Variants in PTHLH observed in about 807,000 individuals in gnomAD.
The protein encoded by PTHLH is parathyroid hormone like hormone.
A neutral mutation model predicts 18.6 loss-of-function variants in PTHLH; 5 were observed. The ratio of observed to expected loss-of-function variants is 0.27; its 90% CI spans 0.14 to 0.56. The LOEUF is 0.56. Among genes scored for constraint, PTHLH ranks in the 20% least tolerant of loss-of-function variants. The probability of loss-of-function intolerance (pLI) is 0.92; values close to 1 mark genes in which losing one functional copy is unlikely to be tolerated. For missense variants in PTHLH, 207 were observed against 223.9 expected (o/e 0.92, Z 0.48); for synonymous variants, 90 against 94.0 (o/e 0.96, Z 0.25).
Position 27,970,835 on chromosome 12 carries a change from G to C in PTHLH, c.-265-568C>G, listed in dbSNP as rs773724963. ...GAGCCCGAAGCTCGCCTGGCAGCTC[G>C]GGGCGATGCATGAGAACCTTCCTCC... On this transcript the variant is annotated intron_variant, in intron 2 of 5. Transcript: ENST00000545234. Among the ~76,000 whole-genome samples the C allele has an allele frequency of 2.5e-4, 38 of 152,320 alleles. No homozygotes were observed. In the East Asian group the frequency reaches 3.9e-3, roughly 16 times the overall value.
intron 2 of PTHLH, 154 bp from the exon 3 acceptor site, chr12:27,970,421 G>A (rs1315800981): frequency 2.0e-5 from 3 of 149,368 alleles, no homozygotes; most frequent in Non-Finnish European, 4.5e-5. Context: ...GCGAGTGGAG[G>A]GGAGCCCCGA....
chr12:27,964,420 T>C (rs2062793735), intron 4 of PTHLH, among the ~76,000 whole-genome samples: 1 of 151,998 alleles, frequency 6.6e-6, no homozygotes, highest in African/African-American at 2.4e-5. Context: ...GACTGAACTT[T>C]AACATTTTAG....
intron 5 of PTHLH, chr12:27,961,945 G>A (rs2062765234): frequency 1.4e-6 from 1 of 724,532 alleles, no homozygotes; most frequent in South Asian, 1.5e-5. Context: ...TGCATATGAT[G>A]TGTTCTTCTG....
intron 2 of PTHLH, among the ~76,000 whole-genome samples, chr12:27,970,802 A>T (rs2062865594): frequency 6.6e-6 from 1 of 152,104 alleles, no homozygotes; most frequent in Non-Finnish European, 1.5e-5. Context: ...TTGGCCTGTG[A>T]ATTTAAGGAG....
intron 5 of PTHLH, chr12:27,961,938 A>G (rs1265098232): frequency 1.4e-6 from 1 of 729,414 alleles, no homozygotes; most frequent in South Asian, 1.5e-5. Context: ...CATTAGTTGC[A>G]TATGATGTGT....
intron 5 of PTHLH, 69 bp from the exon 6 acceptor site, chr12:27,958,637 A>G: frequency 7.1e-7 from 1 of 1,416,320 alleles, no homozygotes; most frequent in Non-Finnish European, 9.7e-7. Context: ...AAAACATAAA[A>G]TATAAAGGAT....
intron 4 of PTHLH, among the ~76,000 whole-genome samples, chr12:27,967,399 A>G (rs1033475238): frequency 2.6e-5 from 4 of 152,222 alleles, no homozygotes; most frequent in East Asian, 1.9e-4. Flanking sequence ...AAAAAAATCT[A>G]TACTTCTAAA....
intron 4 of PTHLH, among the ~76,000 whole-genome samples, chr12:27,963,977 T>A (rs961337070): frequency 6.6e-6 from 1 of 152,114 alleles, no homozygotes; most frequent in Non-Finnish European, 1.5e-5. Flanking sequence ...ATGGTCCCAG[T>A]TCTACCACTC....
rs1489654281 is a variant in PTHLH at position 27,958,609 on chromosome 12, T to C, written c.525-41A>G. ...AGAGAAAGAAAAGGAGAAAACAGGT[T>C]AGTTTTCTTTACAAATGAAAACATA... On this transcript the variant is annotated intron_variant, in intron 5 of 5. Coordinates refer to ENST00000545234, the MANE Select transcript of PTHLH (RefSeq NM_198965.2). 7.8e-6 allele frequency: 12 copies of C among 1,534,940 alleles called. No individual in the cohort carries two copies. The African/African-American group carries it at 1.5e-4, about 19-fold the overall frequency.
chr12:27,969,295 G>T, intron 4 of PTHLH, 99 bp downstream of exon 4: 1 of 1,198,100 alleles, frequency 8.3e-7, no homozygotes, highest in Non-Finnish European at 1.2e-6. Context: ...CGGGCAAGGA[G>T]CATCGGTGAC....
In PTHLH at chr12:27,958,306, A is replaced by C; in HGVS notation, c.*253T>G. ...AAAATATAGAAATTCAGCAGCACCA[A>C]GATACATTTACAAAATAAATACATC... is the stretch of plus-strand genomic sequence containing the variant. On this transcript the variant is annotated 3_prime_UTR_variant, in exon 6 of 6. Transcript: ENST00000545234. 1 of 343,490 alleles carries C rather than the reference A, an allele frequency of 2.9e-6. No individual in the cohort carries two copies. The highest frequency in any genetic ancestry group is 1.3e-4 in the South Asian group (1 of 7,996). 21.3% of individuals were successfully genotyped at this position (343,490 alleles called of 1,614,324 possible). A position where few individuals can be genotyped will look rare whatever the true frequency, so the allele number is the denominator to read the frequency against.
intron 5 of PTHLH, chr12:27,961,964 CTT>C (rs377014358): frequency 2.8e-4 from 151 of 543,464 alleles, no homozygotes; most frequent in Admixed American, 8.5e-4. Flanking sequence ...TGTTGTTTTC[CTT>C]TTTTTTTTTC....
Position 27,969,495 on chromosome 12 carries a change from C to A in PTHLH, c.-1G>T. On this transcript the variant is annotated 5_prime_UTR_variant, in exon 4 of 6. Transcript: ENST00000545234. ...ACTGCTGAACCAGTCTCCGCTGCAT[C>A]GTCTCCGCTCGCGCTCGGGACCTGC... 1 of 1,570,432 alleles carries A rather than the reference C, an allele frequency of 6.4e-7. No individual in the cohort carries two copies. Among genetic ancestry groups the A allele is most frequent in the Non-Finnish European group, 8.6e-7 (1 of 1,159,882 alleles).
At chr12:27,969,541 G>A (rs2062849567) in intron 3 of PTHLH, 25 bp from the exon 4 acceptor site, 24 of 1,525,468 alleles carry the variant, frequency 1.6e-5, no homozygotes, top group Non-Finnish European at 2.1e-5. Context: ...AATGGGACCC[G>A]AGTGTCAGTC....
Position 27,960,991 on chromosome 12 carries a change from G to A in PTHLH, c.524+2357C>T, listed in dbSNP as rs116982836. ...CCCTGAACCTCTGTTGGATTGTGTTGGGAGAGTGCCAACATTTGGCTGCCA... is the reference window on the plus strand; with the variant it reads ...CCCTGAACCTCTGTTGGATTGTGTTAGGAGAGTGCCAACATTTGGCTGCCA... On this transcript the variant is annotated intron_variant, in intron 5 of 5. Coordinates refer to ENST00000545234, the MANE Select transcript of PTHLH (RefSeq NM_198965.2). Among the ~76,000 whole-genome samples, 758 of 151,896 alleles carry A rather than the reference G, an allele frequency of 5.0e-3. 3 individuals are homozygous for A. Among genetic ancestry groups the A allele is most frequent in the Middle Eastern group, 0.01 (3 of 294 alleles).
chr12:27,966,418 TA>T (rs2062814194), intron 4 of PTHLH, among the ~76,000 whole-genome samples: 1 of 152,210 alleles, frequency 6.6e-6, no homozygotes, highest in Non-Finnish European at 1.5e-5. Context: ...CTTCTGCAAT[TA>T]AAGTATTGTG....
At position 27,958,642 on chromosome 12, in the gene PTHLH, A is replaced by G. The variant is rs988471032; in HGVS notation, c.525-74T>C. 5.0e-6 allele frequency: 7 copies of G among 1,410,842 alleles called. No homozygotes were observed. The Admixed American group carries it at 8.5e-5, about 17-fold the overall frequency. 87.4% of individuals were successfully genotyped at this position (1,410,842 alleles called of 1,614,324 possible). A position where few individuals can be genotyped will look rare whatever the true frequency, so the allele number is the denominator to read the frequency against. ...TTTACAAATGAAAACATAAAATATA[A>G]AGGATATAAGCTAAGGAATGCAAAA... On this transcript the variant is annotated intron_variant, in intron 5 of 5. Transcript: ENST00000545234.
At chr12:27,966,947 G>A (rs369197899) in intron 4 of PTHLH, among the ~76,000 whole-genome samples, 4 of 152,194 alleles carry the variant, frequency 2.6e-5, no homozygotes, top group Admixed American at 6.5e-5. Flanking sequence ...TTCTAAGGAC[G>A]GACTCTGTGT....
chr12:27,965,001 C>G (rs76321002), intron 4 of PTHLH, among the ~76,000 whole-genome samples: 3,781 of 152,294 alleles, frequency 0.025, 151 homozygotes, highest in African/African-American at 0.087. Context: ...GGCTACATCC[C>G]ATGTACTCTT....
Sources: allele counts gnomAD v4.1 joint callset (sites outside exome capture counted in the v4.1 genomes callset), GRCh38; gene constraint gnomAD v4.1.1; transcripts MANE v1.5; gene names NCBI Gene and HGNC (gene_info 2026-07-23, HGNC 2026-07-21).